Variants in XKR6 observed in about 807,000 individuals in gnomAD.
The protein encoded by XKR6 is XK related 6.
XKR6 carries 22 observed loss-of-function variants against 56.7 expected under a neutral mutation model. That is an observed-to-expected ratio of 0.39 (90% confidence interval 0.28 to 0.55). The LOEUF is 0.55. Among genes scored for constraint, XKR6 ranks in the 20% least tolerant of loss-of-function variants. The pLI is 0.66. For missense variants in XKR6, 852 were observed against 889.0 expected (o/e 0.96, Z 0.53); for synonymous variants, 524 against 387.8 (o/e 1.35, Z -4.13).
In XKR6 at chr8:11,201,017, G is replaced by C. The variant is rs889430983; in HGVS notation, c.323C>G (p.Pro108Arg). 1.6e-6 allele frequency: 2 copies of C among 1,230,328 alleles called. No homozygotes were observed. Among genetic ancestry groups the C allele is most frequent in the Non-Finnish European group, 2.0e-6 (2 of 989,320 alleles). 76.2% of individuals were successfully genotyped at this position (1,230,328 alleles called of 1,614,324 possible). A position where few individuals can be genotyped will look rare whatever the true frequency, so the allele number is the denominator to read the frequency against. The change falls in exon 1 of 3, where the codon CCG becomes CGG. Residue 108 changes from proline to arginine, a missense_variant. Physicochemically the swap from Pro to Arg is moderately radical, Grantham distance 103. Transcript: ENST00000416569. ...PAAPGAGRQPPTPSAARPEPP... is the reference protein window; with the variant it reads ...PAAPGAGRQPRTPSAARPEPP... Reference sequence around the variant, plus strand: ...CTCCGGCCGCGCGGCCGAGGGCGTCGGGGGTTGGCGGCCGGCGCCGGGGGC... The same window carrying C: ...CTCCGGCCGCGCGGCCGAGGGCGTCCGGGGTTGGCGGCCGGCGCCGGGGGC...
chr8:11,163,972 A>G (rs1801948650), intron 1 of XKR6, among the ~76,000 whole-genome samples: 1 of 152,154 alleles, frequency 6.6e-6, no homozygotes, highest in Non-Finnish European at 1.5e-5. Context: ...AAACCCAGCT[A>G]TGTAGCTAAC....
rs192893319 is a variant in XKR6 at position 11,076,272 on chromosome 8, G to C, written c.764+124304C>G. ...GGGTGTGGATTTTTAGTTTTACACA[G>C]CGATAAAGTTCTGGAGTGGATGGTG... On this transcript the variant is annotated intron_variant, in intron 1 of 2. Transcript: ENST00000416569. Among the ~76,000 whole-genome samples the C allele has an allele frequency of 4.5e-3, 681 of 152,318 alleles. 14 individuals are homozygous for C. The highest frequency in any genetic ancestry group is 7.1e-4 in the Non-Finnish European group (48 of 68,036).
At chr8:11,105,435 T>C (rs1398082026) in intron 1 of XKR6, 1 of 152,194 alleles carries the variant, frequency 6.6e-6, no homozygotes, top group East Asian at 1.9e-4. Flanking sequence ...CGGGGGCTCC[T>C]GGTGCTCAAG....
At chr8:11,079,419 C>T (rs4840541) in intron 1 of XKR6, among the ~76,000 whole-genome samples, 42,297 of 152,076 alleles carry the variant, frequency 0.28, 6,260 homozygotes, top group Non-Finnish European at 0.32. Context: ...AAGCAAATTG[C>T]AGAACAATAT....
intron 1 of XKR6, among the ~76,000 whole-genome samples, chr8:11,075,738 T>G (rs1357932957): frequency 6.6e-6 from 1 of 152,244 alleles, no homozygotes; most frequent in East Asian, 1.9e-4. Flanking sequence ...CTGGGTGTGG[T>G]GGTGAGCACC....
intron 1 of XKR6, among the ~76,000 whole-genome samples, chr8:10,992,942 T>C (rs1269755347): frequency 1.3e-5 from 2 of 152,204 alleles, no homozygotes; most frequent in Non-Finnish European, 2.9e-5. Context: ...GAGAAGGTCA[T>C]AGAATGTCAC....
At position 11,158,722 on chromosome 8, in the gene XKR6, G is replaced by T. The variant is rs565462619; in HGVS notation, c.764+41854C>A. On this transcript the variant is annotated intron_variant, in intron 1 of 2. Coordinates refer to ENST00000416569, the MANE Select transcript of XKR6 (RefSeq NM_173683.4). ...ATCCCTCCAGCATGTGCACAGACAG[G>T]AATGGCAGGCTTCTAAATGCAAAGA... 2.0e-5 allele frequency among the ~76,000 whole-genome samples: 3 copies of T among 152,260 alleles called. No individual in the cohort carries two copies. The East Asian group carries it at 5.8e-4, about 29-fold the overall frequency.
At chr8:10,943,030 G>C (rs1430621675) in intron 1 of XKR6, among the ~76,000 whole-genome samples, 1 of 152,198 alleles carries the variant, frequency 6.6e-6, no homozygotes, top group Non-Finnish European at 1.5e-5. Flanking sequence ...AAGGCTTCAG[G>C]ACCATAGGCT....
chr8:11,167,580 T>C (rs1233809794), intron 1 of XKR6, among the ~76,000 whole-genome samples: 1 of 151,942 alleles, frequency 6.6e-6, no homozygotes, highest in Non-Finnish European at 1.5e-5. Context: ...AAAGTTACCT[T>C]AGGAAATTAG....
chr8:10,943,821 C>G (rs1019527358), intron 1 of XKR6, among the ~76,000 whole-genome samples: 6 of 152,124 alleles, frequency 3.9e-5, no homozygotes, highest in Non-Finnish European at 2.9e-5. Flanking sequence ...ATTCCCTCCC[C>G]TTCTCATTCA....
chr8:11,181,137 A>T (rs1802954015), intron 1 of XKR6, among the ~76,000 whole-genome samples: 1 of 152,206 alleles, frequency 6.6e-6, no homozygotes, highest in Non-Finnish European at 1.5e-5. Context: ...GGAAAGGATG[A>T]GAAATGGTTG....
chr8:11,095,230 A>G (rs1041632008), intron 1 of XKR6, among the ~76,000 whole-genome samples: 2 of 152,264 alleles, frequency 1.3e-5, no homozygotes, highest in African/African-American at 4.8e-5. Flanking sequence ...CCCAAACTGC[A>G]AATATTATCT....
At position 11,135,034 on chromosome 8, in the gene XKR6, A is replaced by ATT. The variant is rs35184172; in HGVS notation, c.764+65540_764+65541dup. ...TCAAAAATGCATAGAAAATGCACTA[A>ATT]TTTTTTTTTTTTTTTTGAGGCGGAG... On this transcript the variant is annotated intron_variant, in intron 1 of 2. Transcript: ENST00000416569. Among the ~76,000 whole-genome samples, 704 of 140,230 alleles carry ATT rather than the reference A, an allele frequency of 5.0e-3. 5 individuals are homozygous for ATT. The highest frequency in any genetic ancestry group is 7.3e-3 in the Middle Eastern group (2 of 274). 92.0% of individuals were successfully genotyped at this position (140,230 alleles called of 152,430 possible). A position where few individuals can be genotyped will look rare whatever the true frequency, so the allele number is the denominator to read the frequency against.
At chr8:11,127,993 T>G (rs1799912401) in intron 1 of XKR6, among the ~76,000 whole-genome samples, 1 of 152,188 alleles carries the variant, frequency 6.6e-6, no homozygotes, top group African/African-American at 2.4e-5. Context: ...ATTTTTCTAT[T>G]TCAGTTTTCA....
intron 1 of XKR6, among the ~76,000 whole-genome samples, chr8:11,070,962 C>A (rs1381223333): frequency 1.3e-5 from 2 of 152,208 alleles, no homozygotes; most frequent in African/African-American, 4.8e-5. Context: ...CAACCCATCA[C>A]TGGGGCGCTA....
chr8:10,937,952 T>C (rs1186652148), intron 1 of XKR6, among the ~76,000 whole-genome samples: 1 of 151,266 alleles, frequency 6.6e-6, no homozygotes, highest in Non-Finnish European at 1.5e-5. Flanking sequence ...CCCGGCTGCT[T>C]TGTTTACCTA....
intron 1 of XKR6, among the ~76,000 whole-genome samples, chr8:10,963,013 G>C (rs1029310262): frequency 6.6e-6 from 1 of 152,110 alleles, no homozygotes; most frequent in Non-Finnish European, 1.5e-5. Context: ...CCTGTCCTTC[G>C]ATCATTTCTG....
At chr8:11,014,485 G>A (rs897800059) in intron 1 of XKR6, among the ~76,000 whole-genome samples, 5 of 152,176 alleles carry the variant, frequency 3.3e-5, no homozygotes, top group Non-Finnish European at 5.9e-5. Context: ...AACACTTCCA[G>A]TAAGGTTGGA....
At chr8:11,065,890 T>G (rs1351258202) in intron 1 of XKR6, among the ~76,000 whole-genome samples, 1 of 152,208 alleles carries the variant, frequency 6.6e-6, no homozygotes, top group Non-Finnish European at 1.5e-5. Flanking sequence ...AACATGGCAA[T>G]GTGGCAGGGC....
Sources: allele counts gnomAD v4.1 joint callset (sites outside exome capture counted in the v4.1 genomes callset), GRCh38; gene constraint gnomAD v4.1.1; transcripts MANE v1.5; gene names NCBI Gene and HGNC (gene_info 2026-07-23, HGNC 2026-07-21).